Variants in GPR139 observed in about 807,000 individuals in gnomAD.
GPR139 encodes the protein probable G protein-coupled receptor 139.
In GPR139, 12 loss-of-function variants were observed where a neutral mutation model predicts 25.8. That is an observed-to-expected ratio of 0.47 (90% CI 0.30 to 0.75). The LOEUF is 0.75. GPR139 is among the 30% of genes least tolerant of loss of function. The probability of loss-of-function intolerance (pLI) is 0.07; values close to 1 mark genes in which losing one functional copy is unlikely to be tolerated. For synonymous variants in GPR139, 184 were observed against 179.9 expected, an observed-to-expected ratio of 1.02 and a Z score of -0.18; for missense variants, 380 against 450.2, an observed-to-expected ratio of 0.84 and a Z score of 1.41.
chr16:20,048,750 T>C (rs1389369966), intron 1 of GPR139, among the ~76,000 whole-genome samples: 1 of 152,204 alleles, frequency 6.6e-6, no homozygotes, highest in Non-Finnish European at 1.5e-5. Context: ...GGGTGGTCCA[T>C]GGGTTGCAGG....
intron 1 of GPR139, among the ~76,000 whole-genome samples, chr16:20,045,162 G>A (rs2141206183): frequency 6.6e-6 from 1 of 152,124 alleles, no homozygotes; most frequent in African/African-American, 2.4e-5. Context: ...ACCACGCTCA[G>A]CTAATTTTTA....
chr16:20,037,874 T>C (rs1263333231), intron 1 of GPR139, among the ~76,000 whole-genome samples: 1 of 152,202 alleles, frequency 6.6e-6, no homozygotes, highest in Non-Finnish European at 1.5e-5. Flanking sequence ...TTTTCCTTTT[T>C]GATGAGACTG....
At position 20,055,626 on chromosome 16, in the gene GPR139, G is replaced by C. The variant is rs148578547; in HGVS notation, c.127+17864C>G. Among the ~76,000 whole-genome samples the C allele has an allele frequency of 2.0e-3, 300 of 152,314 alleles. 3 individuals are homozygous for C. Among genetic ancestry groups the C allele is most frequent in the African/African-American group, 6.9e-3 (285 of 41,558 alleles). ...GAGATGTATCTTTATCTCCAACATG[G>C]ACAGCCTTTACCATTCTATCTCCCA... On this transcript the variant is annotated intron_variant, in intron 1 of 1. Transcript: ENST00000570682.
chr16:20,060,684 G>A (rs2141212704), intron 1 of GPR139, among the ~76,000 whole-genome samples: 1 of 152,278 alleles, frequency 6.6e-6, no homozygotes, highest in Admixed American at 6.5e-5. Context: ...CCAACTCAGG[G>A]TCAATTTACC....
chr16:20,073,464 C>T lies in GPR139; in HGVS notation c.127+26G>A. On this transcript the variant is annotated intron_variant, in intron 1 of 1. Coordinates refer to ENST00000570682, the MANE Select transcript of GPR139 (RefSeq NM_001002911.4). This position sits in a 1 kb window ranked among gnomAD's most constrained non-coding sequence, Gnocchi z 4.7. ...GCCCGGCACTTGGGGTTCCTGGCTT[C>T]CCTCCCTCTCCCCCACGCCCCTCAC... is the stretch of plus-strand genomic sequence containing the variant. The T allele has an allele frequency of 1.2e-6, 2 of 1,605,444 alleles. No individual in the cohort carries two copies. The highest frequency in any genetic ancestry group is 1.7e-6 in the Non-Finnish European group (2 of 1,176,396).
At chr16:20,041,035 G>C (rs2141203730) in intron 1 of GPR139, among the ~76,000 whole-genome samples, 1 of 150,320 alleles carries the variant, frequency 6.7e-6, no homozygotes, top group South Asian at 2.2e-4. Flanking sequence ...GCTTGAACCA[G>C]GGAGGCAGAG....
At chr16:20,049,820 G>C (rs1364228563) in intron 1 of GPR139, among the ~76,000 whole-genome samples, 39 of 152,106 alleles carry the variant, frequency 2.6e-4, no homozygotes, top group Admixed American at 2.6e-3. Context: ...ATTCTTGTGG[G>C]AATTAAATAC....
chr16:20,039,213 G>A (rs1347108231), intron 1 of GPR139, among the ~76,000 whole-genome samples: 2 of 152,204 alleles, frequency 1.3e-5, no homozygotes, highest in East Asian at 3.9e-4. Context: ...AGCTTGGGAG[G>A]ATTTTGGGAA....
At chr16:20,048,003 G>C (rs1362683566) in intron 1 of GPR139, among the ~76,000 whole-genome samples, 1 of 152,190 alleles carries the variant, frequency 6.6e-6, no homozygotes, top group Admixed American at 6.5e-5. Flanking sequence ...GGAAGGGCAG[G>C]AAGTGTGCCT....
At chr16:20,058,334 AGTGTGTGT>A (rs56090244) in intron 1 of GPR139, among the ~76,000 whole-genome samples, 6 of 149,668 alleles carry the variant, frequency 4.0e-5, no homozygotes, top group Non-Finnish European at 5.9e-5. Context: ...ATGGATGTGG[AGTGTGTGT>A]GTGTGTGTGT....
intron 1 of GPR139, among the ~76,000 whole-genome samples, chr16:20,069,297 A>G (rs2057450464): frequency 1.6e-5 from 1 of 62,886 alleles, no homozygotes; most frequent in East Asian, 7.6e-4. Context: ...CACTTGCCCA[A>G]GGTCATATAA....
rs540391047 is a variant in GPR139, at chr16:20,064,295, C to T, written c.127+9195G>A. Among the ~76,000 whole-genome samples the T allele has an allele frequency of 9.2e-5, 14 of 152,276 alleles. No individual in the cohort carries two copies. In the South Asian group the frequency reaches 2.7e-3, roughly 29 times the overall value. On this transcript the variant is annotated intron_variant, in intron 1 of 1. Transcript: ENST00000570682. Reference sequence around the variant, plus strand: ...ACTGCTTATACCTGTAATCCCAGTACTTTGGGAAGCCGAGGTGGGTGGATC... The same window carrying T: ...ACTGCTTATACCTGTAATCCCAGTATTTTGGGAAGCCGAGGTGGGTGGATC...
At chr16:20,048,113 T>C (rs960582411) in intron 1 of GPR139, among the ~76,000 whole-genome samples, 4 of 152,202 alleles carry the variant, frequency 2.6e-5, no homozygotes, top group African/African-American at 9.6e-5. Flanking sequence ...AATGAATGAA[T>C]AACTATGAAT....
chr16:20,045,200 A>G (rs561130181), intron 1 of GPR139, among the ~76,000 whole-genome samples: 2 of 152,110 alleles, frequency 1.3e-5, no homozygotes, highest in African/African-American at 4.8e-5. Context: ...GGGTTTCACC[A>G]TGTTGGCCAG....
intron 1 of GPR139, among the ~76,000 whole-genome samples, chr16:20,061,225 GTGTGGATGGA>G (rs2057412670): frequency 1.4e-5 from 2 of 138,018 alleles, no homozygotes; most frequent in Admixed American, 7.0e-5. Flanking sequence ...ATGGATGGAT[GTGTGGATGGA>G]TGGATGGATG....
In GPR139 at chr16:20,032,399, G is replaced by A. The variant is rs759836680; in HGVS notation, c.398C>T (p.Pro133Leu). The change falls in exon 2 of 2, where the codon CCG becomes CTG. Residue 133 changes from proline to leucine, a missense_variant. Coordinates refer to ENST00000570682, the MANE Select transcript of GPR139 (RefSeq NM_001002911.4). ...GTATGAGACCGTGTGGTACTTGAGC[G>A]GGTGGCAGACAGCGATATACCTGTC... ...TIDRYIAVCH[P>L]LKYHTVSYPA... The A allele has an allele frequency of 2.5e-6, 4 of 1,614,172 alleles. No individual in the cohort carries two copies. Among genetic ancestry groups the A allele is most frequent in the Non-Finnish European group, 3.4e-6 (4 of 1,180,024 alleles).
intron 1 of GPR139, among the ~76,000 whole-genome samples, chr16:20,049,289 T>G (rs2057364251): frequency 6.6e-6 from 1 of 152,216 alleles, no homozygotes; most frequent in Admixed American, 6.5e-5. Flanking sequence ...TCCATCTGTT[T>G]GCTGTCATTT....
Position 20,042,289 on chromosome 16 carries a change from T to C in GPR139, c.128-9620A>G, listed in dbSNP as rs556798880. 3.9e-5 allele frequency among the ~76,000 whole-genome samples: 6 copies of C among 152,342 alleles called. No homozygotes were observed. In the South Asian group the frequency reaches 1.2e-3, roughly 32 times the overall value. On this transcript the variant is annotated intron_variant, in intron 1 of 1. Coordinates refer to ENST00000570682, the MANE Select transcript of GPR139 (RefSeq NM_001002911.4). Reference sequence around the variant, plus strand: ...CTTTTTAACATTTGGCTAGTTCAGTTCAGCAGACAATTACTGAGCATCTCC... The same window carrying C: ...CTTTTTAACATTTGGCTAGTTCAGTCCAGCAGACAATTACTGAGCATCTCC...
At chr16:20,038,637 T>C (rs1026871651) in intron 1 of GPR139, among the ~76,000 whole-genome samples, 4 of 151,936 alleles carry the variant, frequency 2.6e-5, no homozygotes, top group African/African-American at 9.7e-5. Flanking sequence ...AGGTAGATTT[T>C]CCCCCAGGCA....
Sources: gnomAD v4.1 joint callset for allele counts (sites outside exome capture counted in the v4.1 genomes callset) on GRCh38, gnomAD v4.1.1 for gene constraint, Gnocchi (gnomAD v3.1) non-coding constraint, MANE v1.5 for transcripts, NCBI Gene and HGNC (gene_info 2026-07-23, HGNC 2026-07-21) for gene names.